Variants in TSPAN5 observed in about 807,000 individuals in gnomAD.
TSPAN5 encodes the protein tetraspanin 5, also known as tetraspanin-5.
TSPAN5 carries 10 observed loss-of-function variants against 37.1 expected under a neutral mutation model. The observed-to-expected ratio is 0.27, with a 90% CI of 0.17 to 0.46. The LOEUF (loss-of-function observed/expected upper bound fraction) is 0.46, where lower values mean the gene tolerates loss of function less well. Ranked by LOEUF, TSPAN5 falls within the 20% of genes least tolerant of loss-of-function variation. The pLI is 1.00. For missense variants in TSPAN5, 195 were observed against 326.6 expected (o/e 0.60, Z 3.11); for synonymous variants, 110 against 118.9 (o/e 0.93, Z 0.48).
chr4:98,647,016 G>T (rs528949434), intron 1 of TSPAN5, among the ~76,000 whole-genome samples: 1 of 152,140 alleles, frequency 6.6e-6, no homozygotes, highest in Non-Finnish European at 1.5e-5. Flanking sequence ...GGCAAGTAAC[G>T]TCTAAGGTCA....
chr4:98,472,384 C>A lies in TSPAN5; in HGVS notation c.*138G>T, dbSNP rs1307899233. The stretch of plus-strand genomic sequence containing the variant: ...GCAGCATTTCCCAGTTTTACACTCC[C>A]CTAATGGCAGCTCCATTAGGCGAGA... On this transcript the variant is annotated 3_prime_UTR_variant, in exon 8 of 8. Transcript: ENST00000305798. The A allele has an allele frequency of 4.7e-6, 3 of 637,156 alleles. No individual in the cohort carries two copies. Among genetic ancestry groups the A allele is most frequent in the Admixed American group, 5.9e-5 (2 of 33,992 alleles). 39.5% of individuals were successfully genotyped at this position (637,156 alleles called of 1,614,324 possible). A position where few individuals can be genotyped will look rare whatever the true frequency, so the allele number is the denominator to read the frequency against.
At chr4:98,565,439 T>A (rs1754980963) in intron 1 of TSPAN5, among the ~76,000 whole-genome samples, 2 of 81,114 alleles carry the variant, frequency 2.5e-5, no homozygotes, top group African/African-American at 4.4e-5. Flanking sequence ...TTGGGGGCCT[T>A]AAAGAACTGA....
intron 1 of TSPAN5, among the ~76,000 whole-genome samples, chr4:98,631,172 C>T (rs768985431): frequency 2.1e-4 from 32 of 152,172 alleles, no homozygotes; most frequent in Non-Finnish European, 2.6e-4. Flanking sequence ...TTTGCTGAAT[C>T]GCTCGACTGG....
intron 1 of TSPAN5, among the ~76,000 whole-genome samples, chr4:98,592,437 T>TG (rs1423186421): frequency 3.4e-5 from 5 of 148,678 alleles, no homozygotes; most frequent in African/African-American, 1.3e-4. Flanking sequence ...TGTTTTTTTT[T>TG]TTTTTTTTTT....
At chr4:98,523,231 T>G (rs922057820) in intron 1 of TSPAN5, among the ~76,000 whole-genome samples, 17 of 152,180 alleles carry the variant, frequency 1.1e-4, no homozygotes, top group African/African-American at 3.9e-4. Context: ...TGGAAGAGTC[T>G]CCTGATGAAC....
At chr4:98,484,007 C>T (rs1752905386) in intron 3 of TSPAN5, 3 of 191,434 alleles carry the variant, frequency 1.6e-5, no homozygotes, top group Admixed American at 1.1e-4. Flanking sequence ...CATGCATGAG[C>T]ATACACAGGA....
intron 1 of TSPAN5, among the ~76,000 whole-genome samples, chr4:98,613,136 CT>C (rs11308204): frequency 0.55 from 79,387 of 143,322 alleles, 22,001 homozygotes; most frequent in African/African-American, 0.66. Context: ...AGGGCAAAAC[CT>C]TTTTTTTTTT....
rs182948388 is a variant in TSPAN5, at chr4:98,587,052, G to C, written c.81+71094C>G. Among the ~76,000 whole-genome samples, 635 of 152,342 alleles carry C rather than the reference G, an allele frequency of 4.2e-3. 5 individuals carry two copies. The highest frequency in any genetic ancestry group is 0.01 in the Middle Eastern group (3 of 294). On this transcript the variant is annotated intron_variant, in intron 1 of 7. Coordinates refer to ENST00000305798, the MANE Select transcript of TSPAN5 (RefSeq NM_005723.4). ...AAAGCCAAGGGTGAGGGCTGAGGGAGAGCAGCTTTTCCTTGGATGGACATC... is the reference window on the plus strand; with the variant it reads ...AAAGCCAAGGGTGAGGGCTGAGGGACAGCAGCTTTTCCTTGGATGGACATC...
chr4:98,515,781 T>A (rs1001964330), intron 1 of TSPAN5, among the ~76,000 whole-genome samples: 1 of 152,034 alleles, frequency 6.6e-6, no homozygotes, highest in Admixed American at 6.6e-5. Flanking sequence ...GTATACAGTA[T>A]CCCATGCATT....
chr4:98,528,337 A>G (rs1354969309), intron 1 of TSPAN5, among the ~76,000 whole-genome samples: 1 of 152,144 alleles, frequency 6.6e-6, no homozygotes, highest in East Asian at 1.9e-4. Context: ...CCCCAAGCAA[A>G]TTTATATATC....
At chr4:98,511,232 T>G (rs529899217) in intron 1 of TSPAN5, among the ~76,000 whole-genome samples, 2 of 152,330 alleles carry the variant, frequency 1.3e-5, no homozygotes, top group South Asian at 4.1e-4. Flanking sequence ...TAACAATAAT[T>G]TTGCCGGCAT....
In TSPAN5 at chr4:98,598,859, G is replaced by A. The variant is rs927429749; in HGVS notation, c.81+59287C>T. Among the ~76,000 whole-genome samples, 3 of 152,160 alleles carry A rather than the reference G, an allele frequency of 2.0e-5. No individual in the cohort carries two copies. In the East Asian group the frequency reaches 5.8e-4, roughly 29 times the overall value. On this transcript the variant is annotated intron_variant, in intron 1 of 7. Transcript: ENST00000305798. ...AGGCAGGAATAACAGGAACTTCAGA[G>A]TTATTGAACATAAAAGACTCAGGAG... is the stretch of plus-strand genomic sequence containing the variant.
chr4:98,640,122 T>C (rs1345271238), intron 1 of TSPAN5, among the ~76,000 whole-genome samples: 2 of 151,914 alleles, frequency 1.3e-5, no homozygotes, highest in Non-Finnish European at 2.9e-5. Flanking sequence ...ATAAAAATCG[T>C]TTGCAACAAA....
chr4:98,628,091 G>A (rs1375455887), intron 1 of TSPAN5, among the ~76,000 whole-genome samples: 2 of 152,026 alleles, frequency 1.3e-5, no homozygotes, highest in East Asian at 1.9e-4. Context: ...CCTGGTTAAC[G>A]ACCTCCTTAA....
At chr4:98,631,072 A>G (rs1436292920) in intron 1 of TSPAN5, among the ~76,000 whole-genome samples, 2 of 152,204 alleles carry the variant, frequency 1.3e-5, no homozygotes, top group African/African-American at 4.8e-5. Flanking sequence ...AAATCATGTA[A>G]TTCTGATGAC....
rs186384072 is a variant in TSPAN5 at position 98,638,010 on chromosome 4, T to C, written c.81+20136A>G. Among the ~76,000 whole-genome samples the C allele has an allele frequency of 1.6e-4, 24 of 152,322 alleles. 1 individual carries two copies. The highest frequency in any genetic ancestry group is 5.8e-4 in the African/African-American group (24 of 41,572). On this transcript the variant is annotated intron_variant, in intron 1 of 7. Transcript: ENST00000305798. ...TCTGAGATCGGCTCTTCCTGCTCCT[T>C]CTTAACTCTGCTCCACGGTCTTGGC...
chr4:98,583,539 T>G (rs939258178), intron 1 of TSPAN5, among the ~76,000 whole-genome samples: 2 of 152,226 alleles, frequency 1.3e-5, no homozygotes, highest in Non-Finnish European at 2.9e-5. Flanking sequence ...AATTCCATTT[T>G]GATGATTAAA....
chr4:98,520,992 C>T (rs753828715), intron 1 of TSPAN5, among the ~76,000 whole-genome samples: 3 of 152,122 alleles, frequency 2.0e-5, no homozygotes, highest in African/African-American at 2.4e-5. Flanking sequence ...AGTGCAGTGG[C>T]GCAATCTCGG....
intron 1 of TSPAN5, among the ~76,000 whole-genome samples, chr4:98,577,705 C>T (rs1755271329): frequency 6.6e-6 from 1 of 152,310 alleles, no homozygotes; most frequent in South Asian, 2.1e-4. Context: ...CCTTTAGGAG[C>T]ACTGGCTCCA....
Sources: gnomAD v4.1 joint callset for allele counts (sites outside exome capture counted in the v4.1 genomes callset) on GRCh38, gnomAD v4.1.1 for gene constraint, MANE v1.5 for transcripts, NCBI Gene and HGNC (gene_info 2026-07-23, HGNC 2026-07-21) for gene names.